The following DPF3 variants were observed in gnomAD, a reference collection of about 807,000 sequenced individuals.
DPF3 encodes the protein zinc finger protein DPF3.
In DPF3, 18 loss-of-function variants were observed where a neutral mutation model predicts 56.8. The ratio of observed to expected loss-of-function variants is 0.32; its 90% CI spans 0.22 to 0.47. The LOEUF is 0.47. DPF3 is among the 20% of genes least tolerant of loss of function. The pLI is 1.00. For synonymous variants in DPF3, 188 were observed against 180.2 expected (o/e 1.04, Z -0.35); for missense variants, 403 against 488.8 (o/e 0.82, Z 1.65).
intron 2 of DPF3, among the ~76,000 whole-genome samples, chr14:72,755,664 G>A (rs1482070641): frequency 6.6e-6 from 1 of 152,136 alleles, no homozygotes; most frequent in Non-Finnish European, 1.5e-5. Context: ...CCTAGTCTTG[G>A]ACTCCACACT....
chr14:72,834,653 C>G (rs1884212485), intron 1 of DPF3, among the ~76,000 whole-genome samples: 1 of 152,110 alleles, frequency 6.6e-6, no homozygotes, highest in Non-Finnish European at 1.5e-5. Context: ...CTCAAAACTT[C>G]AAACACAGAG....
At chr14:72,854,598 G>T (rs1885108516) in intron 1 of DPF3, among the ~76,000 whole-genome samples, 1 of 152,154 alleles carries the variant, frequency 6.6e-6, no homozygotes, top group Non-Finnish European at 1.5e-5. Context: ...TTCCAAAATT[G>T]TTCACTTACA....
chr14:72,706,658 C>G (rs1425019471), intron 6 of DPF3, among the ~76,000 whole-genome samples: 1 of 152,122 alleles, frequency 6.6e-6, no homozygotes, highest in African/African-American at 2.4e-5. Context: ...CTCTCTGCAA[C>G]CTGGCAGACC....
intron 1 of DPF3, among the ~76,000 whole-genome samples, chr14:72,807,433 T>G (rs1882830418): frequency 6.6e-6 from 1 of 152,252 alleles, no homozygotes; most frequent in South Asian, 2.1e-4. Flanking sequence ...AGGCCTGTGA[T>G]GATACTGACT....
intron 3 of DPF3, among the ~76,000 whole-genome samples, chr14:72,747,795 GA>G (rs1181403737): frequency 6.6e-6 from 1 of 152,074 alleles, no homozygotes; most frequent in Non-Finnish European, 1.5e-5. Context: ...TGGGTCTCAC[GA>G]GATCTGATGG....
chr14:72,691,978 C>A (rs534698477), intron 7 of DPF3, among the ~76,000 whole-genome samples: 1 of 152,180 alleles, frequency 6.6e-6, no homozygotes, highest in African/African-American at 2.4e-5. Flanking sequence ...ATAAAGAAGG[C>A]AATATTACGA....
intron 1 of DPF3, among the ~76,000 whole-genome samples, chr14:72,813,212 C>CA (rs956973122): frequency 3.3e-5 from 5 of 151,912 alleles, no homozygotes; most frequent in African/African-American, 9.7e-5. Flanking sequence ...GTTCAGGGGA[C>CA]AAAAAATAGG....
chr14:72,802,464 A>T (rs1435825931), intron 1 of DPF3, among the ~76,000 whole-genome samples: 1 of 152,156 alleles, frequency 6.6e-6, no homozygotes, highest in African/African-American at 2.4e-5. Context: ...CAGGTCCCAC[A>T]TGCATGCTCT....
chr14:72,615,641 C>T lies in DPF3; in HGVS notation c.*3656G>A, dbSNP rs764282060. ...CCACAGGCTCTTCCCTGGTTCCAGTCGGCTGGGCTCAGCCTGCCCAGGCTT... is the reference window on the plus strand; with the variant it reads ...CCACAGGCTCTTCCCTGGTTCCAGTTGGCTGGGCTCAGCCTGCCCAGGCTT... On this transcript the variant is annotated 3_prime_UTR_variant, in exon 11 of 11. Coordinates refer to ENST00000556509, the MANE Select transcript of DPF3 (RefSeq NM_001280542.3). Among the ~76,000 whole-genome samples the T allele has an allele frequency of 6.4e-4, 97 of 152,314 alleles. No individual in the cohort carries two copies. Among genetic ancestry groups the T allele is most frequent in the Admixed American group, 1.2e-3 (18 of 15,308 alleles).
intron 8 of DPF3, among the ~76,000 whole-genome samples, chr14:72,635,976 A>G (rs1245413710): frequency 6.6e-6 from 1 of 152,216 alleles, no homozygotes; most frequent in Non-Finnish European, 1.5e-5. Flanking sequence ...TAAACATCTA[A>G]TTATACTTTA....
At position 72,612,634 on chromosome 14, in the gene DPF3, G is replaced by A. The variant is rs945774503; in HGVS notation, c.*6663C>T. ...AGGAGGAGAATCAGGGTCTCAGTGG[G>A]GAGTAGACATGGAAGGGCAAACCAA... On this transcript the variant is annotated 3_prime_UTR_variant, in exon 11 of 11. Coordinates refer to ENST00000556509, the MANE Select transcript of DPF3 (RefSeq NM_001280542.3). 1 of 518,562 alleles carries A rather than the reference G, an allele frequency of 1.9e-6. No individual in the cohort carries two copies. The highest frequency in any genetic ancestry group is 1.9e-5 in the African/African-American group (1 of 51,900). The allele number at this position is 518,562 out of a possible 1,614,324, so 32.1% of individuals were successfully genotyped here.
At chr14:72,809,577 C>T (rs1193572965) in intron 1 of DPF3, among the ~76,000 whole-genome samples, 1 of 152,240 alleles carries the variant, frequency 6.6e-6, no homozygotes, top group Non-Finnish European at 1.5e-5. Flanking sequence ...CCTGCCCTTC[C>T]TTTCAGAACC....
chr14:72,673,702 T>C (rs1003627424), intron 8 of DPF3, among the ~76,000 whole-genome samples: 3 of 152,236 alleles, frequency 2.0e-5, no homozygotes, highest in African/African-American at 7.2e-5. Context: ...GGGTCTCTTC[T>C]GTTCTGTTTT....
At chr14:72,824,628 C>T (rs901821651) in intron 1 of DPF3, among the ~76,000 whole-genome samples, 4 of 149,948 alleles carry the variant, frequency 2.7e-5, no homozygotes, top group Non-Finnish European at 4.4e-5. Flanking sequence ...AGTGTAATAG[C>T]GCCATCTTGG....
chr14:72,711,080 A>G (rs1888633190), intron 6 of DPF3, among the ~76,000 whole-genome samples: 1 of 152,234 alleles, frequency 6.6e-6, no homozygotes, highest in South Asian at 2.1e-4. Flanking sequence ...TATATTCAGG[A>G]ATGCATTCCA....
At chr14:72,649,929 G>A (rs953508431) in intron 8 of DPF3, among the ~76,000 whole-genome samples, 9 of 152,138 alleles carry the variant, frequency 5.9e-5, no homozygotes, top group Middle Eastern at 3.2e-3. Flanking sequence ...TACACCGCTC[G>A]GCCACAGGAA....
At chr14:72,631,776 A>T (rs1885184358) in intron 8 of DPF3, among the ~76,000 whole-genome samples, 1 of 152,262 alleles carries the variant, frequency 6.6e-6, no homozygotes, top group African/African-American at 2.4e-5. Flanking sequence ...AATCAGCTAC[A>T]CATGTATCTA....
chr14:72,855,192 C>G (rs1303826602), intron 1 of DPF3, among the ~76,000 whole-genome samples: 2 of 152,148 alleles, frequency 1.3e-5, no homozygotes, highest in Non-Finnish European at 2.9e-5. Flanking sequence ...ATTTACTAAG[C>G]AGGGATGACC....
rs80320033 is a variant in DPF3, at chr14:72,837,505, A to C, written c.32+56552T>G. Among the ~76,000 whole-genome samples, 11 of 152,012 alleles carry C rather than the reference A, an allele frequency of 7.2e-5. No homozygotes were observed. The East Asian group carries it at 2.0e-3, about 27-fold the overall frequency. ...GTAATCCCAGCACTTTGGGAAGCCG[A>C]GGCGGGTGGATCATCAGAGGTCAGG... On this transcript the variant is annotated intron_variant, in intron 1 of 10. Transcript: ENST00000556509.
Sources: allele counts gnomAD v4.1 joint callset (sites outside exome capture counted in the v4.1 genomes callset), GRCh38; gene constraint gnomAD v4.1.1; transcripts MANE v1.5; gene names NCBI Gene and HGNC (gene_info 2026-07-23, HGNC 2026-07-21).